CASP6: variants seen among roughly 807,000 people sequenced by gnomAD.
The protein encoded by CASP6 is caspase 6.
A neutral mutation model predicts 31.8 loss-of-function variants in CASP6; 20 were observed. That is an observed-to-expected ratio of 0.63 (90% CI 0.44 to 0.91). The LOEUF is 0.91. Ranked by LOEUF, CASP6 falls within the 40% of genes least tolerant of loss-of-function variation. CASP6 has a pLI of 0.00. For synonymous variants in CASP6, 130 were observed against 127.8 expected, an observed-to-expected ratio of 1.02 and a Z score of -0.12; for missense variants, 328 against 361.1, an observed-to-expected ratio of 0.91 and a Z score of 0.74.
the CASP6 span, among the ~76,000 whole-genome samples, chr4:109,670,447 G>A: frequency 6.6e-6 from 1 of 152,202 alleles, no homozygotes; most frequent in African/African-American, 2.4e-5. Flanking sequence ...GCCAGGCGCA[G>A]TGGTTCATGC....
chr4:109,690,306 C>G (rs1052600890), intron 6 of CASP6, among the ~76,000 whole-genome samples: 62 of 150,326 alleles, frequency 4.1e-4, no homozygotes, highest in Non-Finnish European at 1.2e-4. Context: ...GAGGCCAAGG[C>G]TGGAGGATTG....
chr4:109,679,191 A>G, the CASP6 span, among the ~76,000 whole-genome samples: 1 of 151,422 alleles, frequency 6.6e-6, no homozygotes. Context: ...GGCACTCCTC[A>G]CATCCCAGAC....
At chr4:109,708,048 T>C (rs1011558899), upstream of CASP6, among the ~76,000 whole-genome samples, 6 of 152,214 alleles carry the variant, frequency 3.9e-5, no homozygotes, top group Admixed American at 6.5e-5. Flanking sequence ...ACTTCTAATA[T>C]ATTAAAATAA....
chr4:109,698,207 C>T (rs2126159993), intron 2 of CASP6, 93 bp downstream of exon 2: 1 of 1,372,214 alleles, frequency 7.3e-7, no homozygotes, highest in South Asian at 1.4e-5. Context: ...GTTTTACTTC[C>T]TAGCTCCCAG....
chr4:109,689,559 GAAT>G lies in CASP6; in HGVS notation c.650_652del (p.Tyr217del). On this transcript the variant is annotated inframe_deletion, in exon 7 of 7. Coordinates refer to ENST00000265164, the MANE Select transcript of CASP6 (RefSeq NM_001226.4). Reference sequence around the variant, plus strand: ...TGAGCCGTTCACAGTTTCCCGGTGAGAATAATATCCTAAAAAAGTGAGAAGGAA... The same window carrying G: ...TGAGCCGTTCACAGTTTCCCGGTGAGAATATCCTAAAAAAGTGAGAAGGAA... The G allele has an allele frequency of 6.2e-7, 1 of 1,613,346 alleles. No individual in the cohort carries two copies. Among genetic ancestry groups the G allele is most frequent in the Non-Finnish European group, 8.5e-7 (1 of 1,179,432 alleles).
chr4:109,678,264 A>G, the CASP6 span, among the ~76,000 whole-genome samples: 5 of 149,960 alleles, frequency 3.3e-5, no homozygotes, highest in African/African-American at 1.2e-4. Context: ...TTTTCCCCAC[A>G]TTTCCCCCTT....
Position 109,689,425 on chromosome 4 carries a change from A to C in CASP6, c.787T>G (p.Phe263Val), listed in dbSNP as rs1729959213. ...CCAATTGCACTTGGGTCTTTGCAAA[A>C]GTCCACTCGGCGCTGAGAAACTTTC... Reference protein sequence around the residue: ...NRKVSQRRVDFCKDPSAIGKK... With the variant: ...NRKVSQRRVDVCKDPSAIGKK... The change falls in exon 7 of 7, where the codon TTT (phenylalanine) becomes GTT (valine). Residue 263 changes from phenylalanine to valine, a missense_variant. Transcript: ENST00000265164. The C allele has an allele frequency of 1.9e-6, 3 of 1,614,246 alleles. No individual in the cohort carries two copies. Among genetic ancestry groups the C allele is most frequent in the African/African-American group, 1.3e-5 (1 of 75,058 alleles).
the CASP6 span, chr4:109,681,299 TTG>T: frequency 3.8e-6 from 1 of 264,774 alleles, no homozygotes; most frequent in East Asian, 1.2e-4. Flanking sequence ...GGTCAGCAAA[TTG>T]TGGAAAAGCA....
At chr4:109,700,192 CTT>C (rs1438617630) in intron 1 of CASP6, among the ~76,000 whole-genome samples, 1 of 152,204 alleles carries the variant, frequency 6.6e-6, no homozygotes, top group African/African-American at 2.4e-5. Flanking sequence ...CTTTAAAACT[CTT>C]GTTTCTCATA....
chr4:109,685,505 TG>T, downstream of CASP6: 1 of 485,546 alleles, frequency 2.1e-6, no homozygotes, highest in Non-Finnish European at 3.7e-6. Flanking sequence ...TTCATTGAAA[TG>T]GTTGACATAT....
At chr4:109,689,701 G>A in intron 6 of CASP6, 133 bp from the exon 7 acceptor site, 2 of 768,844 alleles carry the variant, frequency 2.6e-6, no homozygotes, top group South Asian at 2.0e-5. Flanking sequence ...TGATATAAAT[G>A]GCTTTTAAAT....
chr4:109,690,045 C>T (rs775959401), intron 6 of CASP6, among the ~76,000 whole-genome samples: 18 of 151,540 alleles, frequency 1.2e-4, no homozygotes, highest in Non-Finnish European at 1.9e-4. Context: ...ATTAGCTTGG[C>T]GTGGTGGCAG....
the CASP6 span, among the ~76,000 whole-genome samples, chr4:109,679,096 C>T: frequency 1.9e-4 from 28 of 146,614 alleles, no homozygotes; most frequent in African/African-American, 3.8e-4. Flanking sequence ...TAGGGGCAGC[C>T]GGGCAGAGGC....
chr4:109,664,626 A>G, the CASP6 span, among the ~76,000 whole-genome samples: 2 of 151,992 alleles, frequency 1.3e-5, no homozygotes, highest in South Asian at 2.1e-4. Context: ...GGGTCTCCCT[A>G]TGTTGTCCAG....
chr4:109,709,315 AT>A, the CASP6 span, among the ~76,000 whole-genome samples: 1 of 152,324 alleles, frequency 6.6e-6, no homozygotes, highest in African/African-American at 2.4e-5. Context: ...AGTCTCACGC[AT>A]GCTCATGTTT....
chr4:109,705,091 T>TTA, upstream of CASP6, among the ~76,000 whole-genome samples: 1 of 152,216 alleles, frequency 6.6e-6, no homozygotes, highest in Non-Finnish European at 1.5e-5. Flanking sequence ...GAGAAGTCAA[T>TTA]GCCTGTCTTC....
downstream of CASP6, chr4:109,687,483 T>C (rs1414403486): frequency 6.7e-7 from 1 of 1,485,760 alleles, no homozygotes; most frequent in East Asian, 2.3e-5. Context: ...CTCTTCTTTC[T>C]GATCACATGC....
At chr4:109,682,531 C>G in the CASP6 span, 1 of 1,475,476 alleles carries the variant, frequency 6.8e-7, no homozygotes, top group Non-Finnish European at 9.2e-7. Flanking sequence ...ATTTACACAC[C>G]CTGCGGGAAC....
In CASP6 at chr4:109,691,026, A is replaced by T; in HGVS notation, c.484-17T>A. On this transcript the variant is annotated splice_polypyrimidine_tract_variant and intron_variant, in intron 5 of 6. Coordinates refer to ENST00000265164, the MANE Select transcript of CASP6 (RefSeq NM_001226.4). ...CCGACATGCCTACAAGACAAGGAGG[A>T]AAAACCCACCTCTTTGCCTACTGTT... 6.2e-7 allele frequency: 1 copy of T among 1,600,966 alleles called. No individual in the cohort carries two copies. Among genetic ancestry groups the T allele is most frequent in the Middle Eastern group, 1.7e-4 (1 of 5,906 alleles).
Sources: gnomAD v4.1 joint callset for allele counts (sites outside exome capture counted in the v4.1 genomes callset) on GRCh38, gnomAD v4.1.1 for gene constraint, MANE v1.5 for transcripts, NCBI Gene and HGNC (gene_info 2026-07-23, HGNC 2026-07-21) for gene names.